TPD52: variants seen among roughly 807,000 people sequenced by gnomAD.
TPD52 encodes prostate and colon associated protein.
Under a neutral mutation model 31.3 loss-of-function variants are expected in TPD52, and 17 were observed. That is an observed-to-expected ratio of 0.54 (90% CI 0.37 to 0.82). The LOEUF is 0.82. TPD52 is among the 40% of genes least tolerant of loss of function. The probability of loss-of-function intolerance (pLI) is 0.00; values close to 1 mark genes in which losing one functional copy is unlikely to be tolerated. For missense variants in TPD52, 212 were observed against 240.1 expected (o/e 0.88, Z 0.77); for synonymous variants, 83 against 89.6 (o/e 0.93, Z 0.42).
At chr8:80,069,136 C>T (rs1022581619) in intron 1 of TPD52, among the ~76,000 whole-genome samples, 13 of 152,204 alleles carry the variant, frequency 8.5e-5, no homozygotes, top group African/African-American at 2.2e-4. Flanking sequence ...TCAGTGTAAA[C>T]GTCTGAATAA....
chr8:80,105,643 C>T (rs1807049210), intron 1 of TPD52, among the ~76,000 whole-genome samples: 1 of 151,930 alleles, frequency 6.6e-6, no homozygotes, highest in Admixed American at 6.6e-5. Context: ...TTGTCTGCGG[C>T]TCGTCCTGCT....
chr8:80,117,801 T>G (rs1807975033), intron 1 of TPD52, among the ~76,000 whole-genome samples: 1 of 150,806 alleles, frequency 6.6e-6, no homozygotes, highest in Non-Finnish European at 1.5e-5. Context: ...GGTGCAATCT[T>G]GGCTCACTGC....
At chr8:80,108,080 T>C (rs944267427) in intron 1 of TPD52, among the ~76,000 whole-genome samples, 5 of 152,216 alleles carry the variant, frequency 3.3e-5, no homozygotes, top group African/African-American at 1.2e-4. Context: ...GGATGATAGC[T>C]GAATTTCTTT....
intron 1 of TPD52, among the ~76,000 whole-genome samples, chr8:80,139,008 G>A (rs1320285666): frequency 3.9e-5 from 6 of 152,076 alleles, no homozygotes; most frequent in Admixed American, 6.6e-5. Context: ...ACTGACAAAG[G>A]AGCCACCGTC....
intron 1 of TPD52, among the ~76,000 whole-genome samples, chr8:80,071,015 A>G (rs1391670825): frequency 3.9e-5 from 6 of 152,204 alleles, no homozygotes; most frequent in African/African-American, 1.2e-4. Flanking sequence ...TACAGAGCGC[A>G]AAGCACAGAG....
intron 1 of TPD52, among the ~76,000 whole-genome samples, chr8:80,085,699 T>G (rs865961544): frequency 6.6e-6 from 1 of 152,082 alleles, no homozygotes. Flanking sequence ...AAGGAAGAAC[T>G]ACAGAAGAAT....
chr8:80,103,116 C>T (rs879816496), intron 1 of TPD52, among the ~76,000 whole-genome samples: 15 of 152,134 alleles, frequency 9.9e-5, no homozygotes, highest in African/African-American at 3.4e-4. Flanking sequence ...AAAGTGTTTC[C>T]CTGAGTTCTG....
chr8:80,154,737 ACACACACAC>A (rs1255214736), intron 1 of TPD52, among the ~76,000 whole-genome samples: 7,328 of 141,088 alleles, frequency 0.052, 300 homozygotes, highest in Middle Eastern at 0.11. Flanking sequence ...ACACACACAC[ACACACACAC>A]ACACACAAAA....
At chr8:80,098,206 C>T (rs116037168) in intron 1 of TPD52, among the ~76,000 whole-genome samples, 237 of 152,272 alleles carry the variant, frequency 1.6e-3, no homozygotes, top group African/African-American at 5.2e-3. Context: ...TGTTTTCATG[C>T]CTGCTAATAC....
intron 1 of TPD52, among the ~76,000 whole-genome samples, chr8:80,071,059 A>G (rs531537582): frequency 6.6e-6 from 1 of 152,200 alleles, no homozygotes; most frequent in Non-Finnish European, 1.5e-5. Context: ...TCACTACAGA[A>G]CAAGGAACAC....
At chr8:80,065,471 C>G (rs1480862792) in intron 1 of TPD52, among the ~76,000 whole-genome samples, 4 of 151,980 alleles carry the variant, frequency 2.6e-5, no homozygotes, top group African/African-American at 9.7e-5. Flanking sequence ...GGAGAGTGAC[C>G]AGGAGGCAGC....
intron 1 of TPD52, among the ~76,000 whole-genome samples, chr8:80,091,570 A>G (rs1358455807): frequency 6.6e-6 from 1 of 152,258 alleles, no homozygotes; most frequent in Non-Finnish European, 1.5e-5. Flanking sequence ...AACACCAGAA[A>G]ATAGTGGAAA....
intron 1 of TPD52, among the ~76,000 whole-genome samples, chr8:80,081,015 A>G (rs1815213323): frequency 6.6e-6 from 1 of 152,206 alleles, no homozygotes; most frequent in African/African-American, 2.4e-5. Flanking sequence ...AAATTCTGAA[A>G]GCCAAGCTTC....
intron 1 of TPD52, among the ~76,000 whole-genome samples, chr8:80,109,188 A>G (rs1807335974): frequency 1.3e-5 from 2 of 152,210 alleles, no homozygotes; most frequent in African/African-American, 4.8e-5. Context: ...ACCCAAATAT[A>G]TAGGTACTGC....
chr8:80,140,179 A>G (rs540290439), intron 1 of TPD52, among the ~76,000 whole-genome samples: 34 of 152,300 alleles, frequency 2.2e-4, no homozygotes, highest in African/African-American at 7.7e-4. Flanking sequence ...CTAAGGCCCA[A>G]GTCCTGGGTT....
chr8:80,130,351 T>C (rs1311130671), intron 1 of TPD52, among the ~76,000 whole-genome samples: 1 of 152,242 alleles, frequency 6.6e-6, no homozygotes, highest in Non-Finnish European at 1.5e-5. Context: ...CTTAAAATCC[T>C]TCAGTGGTTT....
intron 2 of TPD52, among the ~76,000 whole-genome samples, chr8:80,057,824 T>A (rs1812071005): frequency 6.6e-6 from 1 of 152,072 alleles, no homozygotes; most frequent in South Asian, 2.1e-4. Context: ...AATAAAAAAT[T>A]TAAGTTTAAA....
At chr8:80,065,269 A>C (rs1031105173) in intron 1 of TPD52, among the ~76,000 whole-genome samples, 4 of 144,286 alleles carry the variant, frequency 2.8e-5, no homozygotes, top group Non-Finnish European at 4.5e-5. Context: ...ATCTATCTAT[A>C]TATATCTATA....
At chr8:80,074,480 C>T (rs866818153) in intron 1 of TPD52, among the ~76,000 whole-genome samples, 1 of 152,208 alleles carries the variant, frequency 6.6e-6, no homozygotes, top group Admixed American at 6.5e-5. Flanking sequence ...GATTAAGCAT[C>T]CAGTTAAGGC....
Sources: gnomAD v4.1 joint callset for allele counts (sites outside exome capture counted in the v4.1 genomes callset) on GRCh38, gnomAD v4.1.1 for gene constraint, MANE v1.5 for transcripts, NCBI Gene and HGNC (gene_info 2026-07-23, HGNC 2026-07-21) for gene names.